The following TGFB2 variants were observed in gnomAD, a reference collection of about 807,000 sequenced individuals.
The protein encoded by TGFB2 is transforming growth factor beta 2.
In TGFB2, 13 loss-of-function variants were observed where a neutral mutation model predicts 42.7. The observed-to-expected ratio is 0.30, with a 90% CI of 0.20 to 0.48. TGFB2 has a LOEUF of 0.48. Among genes scored for constraint, TGFB2 ranks in the 20% least tolerant of loss-of-function variants. The pLI is 0.99. For missense variants in TGFB2, 390 were observed against 517.5 expected (o/e 0.75, Z 2.39); for synonymous variants, 193 against 193.6 (o/e 1.00, Z 0.03).
intron 2 of TGFB2, among the ~76,000 whole-genome samples, chr1:218,415,052 G>A (rs1659228737): frequency 6.6e-6 from 1 of 152,162 alleles, no homozygotes; most frequent in African/African-American, 2.4e-5. Flanking sequence ...TGGGGAGTCT[G>A]AGGAAGTCAT....
At position 218,372,682 on chromosome 1, in the gene TGFB2, A is replaced by G. The variant is rs922538018; in HGVS notation, c.346+25635A>G. The stretch of plus-strand genomic sequence containing the variant: ...GGACTTGGACTTGGGATATCCAAGC[A>G]CTTAGGTTCTTTGTTGGGAGCTTTG... On this transcript the variant is annotated intron_variant, in intron 1 of 6. Transcript: ENST00000366930. 5.3e-5 allele frequency among the ~76,000 whole-genome samples: 8 copies of G among 152,202 alleles called. No individual in the cohort carries two copies. The South Asian group carries it at 6.2e-4, about 12-fold the overall frequency.
At chr1:218,436,236 T>C (rs1659969018) in intron 5 of TGFB2, 89 bp downstream of exon 5, 1 of 1,360,174 alleles carries the variant, frequency 7.4e-7, no homozygotes, top group Admixed American at 2.2e-5. Context: ...TTGACCCAAG[T>C]GGAACTCACT....
intron 1 of TGFB2, among the ~76,000 whole-genome samples, chr1:218,372,088 C>T (rs937316700): frequency 6.6e-6 from 1 of 152,042 alleles, no homozygotes; most frequent in Non-Finnish European, 1.5e-5. Flanking sequence ...TAATTATCTC[C>T]ACAGCCTATT....
intron 1 of TGFB2, among the ~76,000 whole-genome samples, chr1:218,392,308 A>G (rs185779148): frequency 0.015 from 2,356 of 152,268 alleles, 33 homozygotes; most frequent in Non-Finnish European, 0.021. Flanking sequence ...AGCCGAGATC[A>G]TGCCACTGCA....
chr1:218,361,319 AG>A (rs1657203168), intron 1 of TGFB2, among the ~76,000 whole-genome samples: 1 of 152,250 alleles, frequency 6.6e-6, no homozygotes, highest in South Asian at 2.1e-4. Context: ...AAGAAAGGAA[AG>A]AAAAGAAGGG....
intron 1 of TGFB2, among the ~76,000 whole-genome samples, chr1:218,384,754 A>G (rs538116388): frequency 1.3e-5 from 2 of 152,324 alleles, no homozygotes; most frequent in Non-Finnish European, 2.9e-5. Flanking sequence ...ACACCCCTAG[A>G]GTCTCACCAG....
chr1:218,427,413 C>T (rs1393912878), intron 2 of TGFB2, among the ~76,000 whole-genome samples: 1 of 151,944 alleles, frequency 6.6e-6, no homozygotes, highest in African/African-American at 2.4e-5. Context: ...TATACATGTG[C>T]CATGTTGGTG....
At chr1:218,432,478 T>C (rs1348734431) in intron 2 of TGFB2, among the ~76,000 whole-genome samples, 1 of 152,192 alleles carries the variant, frequency 6.6e-6, no homozygotes, top group African/African-American at 2.4e-5. Flanking sequence ...TTTTCTATAT[T>C]TACTTAATCC....
chr1:218,394,184 T>C (rs1658417660), intron 1 of TGFB2, among the ~76,000 whole-genome samples: 1 of 152,080 alleles, frequency 6.6e-6, no homozygotes, highest in East Asian at 1.9e-4. Context: ...GCTTGGATTA[T>C]AGGCGTAAGC....
chr1:218,356,794 G>A (rs1166483391), intron 1 of TGFB2, among the ~76,000 whole-genome samples: 5 of 152,152 alleles, frequency 3.3e-5, no homozygotes, highest in African/African-American at 1.2e-4. Context: ...AGGCAGCTGT[G>A]GTTATACTCA....
chr1:218,410,803 C>A (rs976343780), intron 2 of TGFB2, among the ~76,000 whole-genome samples: 2 of 152,180 alleles, frequency 1.3e-5, no homozygotes, highest in Non-Finnish European at 1.5e-5. Context: ...TTTGAACACA[C>A]CTTTCTTTGA....
chr1:218,378,634 CAG>C (rs1310879946), intron 1 of TGFB2, among the ~76,000 whole-genome samples: 4 of 151,968 alleles, frequency 2.6e-5, no homozygotes, highest in Non-Finnish European at 5.9e-5. Context: ...GCTGTTGAGA[CAG>C]AGTCTCACTC....
chr1:218,436,234 A>G (rs1266343355), intron 5 of TGFB2, 87 bp downstream of exon 5: 1 of 1,408,774 alleles, frequency 7.1e-7, no homozygotes, highest in African/African-American at 1.4e-5. Flanking sequence ...TATTGACCCA[A>G]GTGGAACTCA....
chr1:218,351,577 G>A (rs1423855102), intron 1 of TGFB2, among the ~76,000 whole-genome samples: 1 of 152,116 alleles, frequency 6.6e-6, no homozygotes, highest in African/African-American at 2.4e-5. Context: ...TATAACGAAA[G>A]CAGTTGGGTC....
At chr1:218,347,374 G>A (rs930642214) in intron 1 of TGFB2, among the ~76,000 whole-genome samples, 2 of 152,138 alleles carry the variant, frequency 1.3e-5, no homozygotes, top group Non-Finnish European at 2.9e-5. Context: ...CAAACTAGAG[G>A]TGCTCCCAGG....
At chr1:218,362,063 T>A (rs972502233) in intron 1 of TGFB2, among the ~76,000 whole-genome samples, 1 of 152,230 alleles carries the variant, frequency 6.6e-6, no homozygotes, top group Non-Finnish European at 1.5e-5. Flanking sequence ...ACTGGGATCT[T>A]GATAGTGGGC....
chr1:218,368,989 G>A (rs1657480795), intron 1 of TGFB2, among the ~76,000 whole-genome samples: 1 of 152,048 alleles, frequency 6.6e-6, no homozygotes, highest in South Asian at 2.1e-4. Context: ...GGGCACGGTG[G>A]CTCATGTCTG....
At chr1:218,363,960 T>C (rs1657301406) in intron 1 of TGFB2, among the ~76,000 whole-genome samples, 1 of 152,156 alleles carries the variant, frequency 6.6e-6, no homozygotes. Flanking sequence ...CCAATGTAAA[T>C]TTGTAAATTT....
intron 1 of TGFB2, among the ~76,000 whole-genome samples, chr1:218,389,148 G>A (rs1249729385): frequency 2.0e-5 from 3 of 152,160 alleles, no homozygotes; most frequent in Non-Finnish European, 2.9e-5. Flanking sequence ...GGGTTATCAG[G>A]CTAGGATGAA....
Sources: gnomAD v4.1 joint callset for allele counts (sites outside exome capture counted in the v4.1 genomes callset) on GRCh38, gnomAD v4.1.1 for gene constraint, MANE v1.5 for transcripts, NCBI Gene and HGNC (gene_info 2026-07-23, HGNC 2026-07-21) for gene names.